Variants in FYB1 observed in about 807,000 individuals in gnomAD.
The protein encoded by FYB1 is FYN binding protein 1, also known as FYN-binding protein 1.
In FYB1, 41 loss-of-function variants were observed where a neutral mutation model predicts 94.1. The observed-to-expected ratio is 0.44, with a 90% CI of 0.34 to 0.57. The LOEUF is 0.57. FYB1 is among the 20% of genes least tolerant of loss of function. The pLI is 0.02. For missense variants in FYB1, 1,050 were observed against 976.8 expected, an observed-to-expected ratio of 1.07 and a Z score of -1.00; for synonymous variants, 367 against 353.2, an observed-to-expected ratio of 1.04 and a Z score of -0.44.
chr5:39,271,542 A>G (rs1257520515), intron 1 of FYB1, among the ~76,000 whole-genome samples: 1 of 152,216 alleles, frequency 6.6e-6, no homozygotes, highest in African/African-American at 2.4e-5. Flanking sequence ...GTGCTTATTT[A>G]GTGTAAGGTC....
rs1750132478 is a variant in FYB1, at chr5:39,219,540, C to G, written c.-125G>C. The G allele has an allele frequency of 3.0e-6, 3 of 985,474 alleles. No homozygotes were observed. Among genetic ancestry groups the G allele is most frequent in the Admixed American group, 6.1e-5 (1 of 16,290 alleles). 61.0% of individuals were successfully genotyped at this position (985,474 alleles called of 1,614,324 possible). On this transcript the variant is annotated 5_prime_UTR_variant, in exon 1 of 19. Coordinates refer to ENST00000512982, the MANE Select transcript of FYB1 (RefSeq NM_001465.6). ...CTCACTTCTAGCTGTCGCATCTGCT[C>G]TGCATGTGGAACTCAAGAACTGCGG...
chr5:39,185,628 A>T (rs1473765807), intron 2 of FYB1, among the ~76,000 whole-genome samples: 1 of 139,520 alleles, frequency 7.2e-6, no homozygotes, highest in Non-Finnish European at 1.5e-5. Flanking sequence ...ATATACACAC[A>T]TATATATATA....
upstream of FYB1, among the ~76,000 whole-genome samples, chr5:39,220,960 A>C (rs970490243): frequency 1.3e-5 from 2 of 152,240 alleles, no homozygotes; most frequent in Admixed American, 6.5e-5. Flanking sequence ...CTGAGACCGT[A>C]TATGGCCTGA....
chr5:39,240,864 T>G (rs751488162), intron 1 of FYB1, among the ~76,000 whole-genome samples: 1 of 152,162 alleles, frequency 6.6e-6, no homozygotes, highest in Non-Finnish European at 1.5e-5. Context: ...CAAAGACACA[T>G]GCATGTGTAT....
At chr5:39,248,506 T>G (rs1751578363) in intron 1 of FYB1, among the ~76,000 whole-genome samples, 1 of 152,110 alleles carries the variant, frequency 6.6e-6, no homozygotes, top group Non-Finnish European at 1.5e-5. Context: ...TGGAGAAACC[T>G]CGAAGACGTA....
intron 2 of FYB1, among the ~76,000 whole-genome samples, chr5:39,196,250 C>T (rs1343683389): frequency 6.7e-6 from 1 of 149,818 alleles, no homozygotes; most frequent in Non-Finnish European, 1.5e-5. Context: ...GCTTTGTCAC[C>T]CAGGCTGGAG....
intron 1 of FYB1, among the ~76,000 whole-genome samples, chr5:39,227,821 C>T (rs1162275444): frequency 6.6e-6 from 1 of 152,172 alleles, no homozygotes; most frequent in Non-Finnish European, 1.5e-5. Context: ...AGCTTTCCTT[C>T]ATCAGGCCTC....
chr5:39,113,164 T>TTATA (rs1739221097), intron 16 of FYB1, among the ~76,000 whole-genome samples: 1 of 151,558 alleles, frequency 6.6e-6, no homozygotes. Flanking sequence ...AATCTCTCCA[T>TTATA]TATAGGTCCT....
chr5:39,163,329 A>C (rs1333114599), intron 2 of FYB1, among the ~76,000 whole-genome samples: 2 of 152,232 alleles, frequency 1.3e-5, no homozygotes, highest in Non-Finnish European at 2.9e-5. Flanking sequence ...GGCAGCTTAG[A>C]ACAGTCCAAC....
Position 39,126,039 on chromosome 5 carries a change from CTCTCGTATACTTTTCTT to C in FYB1, c.1987_2003del (p.Lys663GlufsTer3). The stretch of plus-strand genomic sequence containing the variant: ...TGTCTGAGTCAGAGACTTTAGGTTT[CTCTCGTATACTTTTCTT>C]TCTGTCATCTTTTCCCTTTAACATC... On this transcript the variant is annotated frameshift_variant, in exon 12 of 19. Coordinates refer to ENST00000512982, the MANE Select transcript of FYB1 (RefSeq NM_001465.6). LOFTEE classifies it high-confidence loss of function. 1 of 1,613,416 alleles carries C rather than the reference CTCTCGTATACTTTTCTT, an allele frequency of 6.2e-7. No individual in the cohort carries two copies. Among genetic ancestry groups the C allele is most frequent in the Non-Finnish European group, 8.5e-7 (1 of 1,179,628 alleles).
chr5:39,145,582 C>A (rs907580479), intron 3 of FYB1, among the ~76,000 whole-genome samples: 2 of 151,798 alleles, frequency 1.3e-5, no homozygotes, highest in Non-Finnish European at 2.9e-5. Context: ...GGAAAATAGG[C>A]CTTTGCATTA....
At position 39,125,995 on chromosome 5, in the gene FYB1, T is replaced by TA. The variant is rs1740626912; in HGVS notation, c.2045+2dup. ...ACACTGGATTTGGTTGGTTGACTCT[T>TA]ACGATGAACCTTCATTATTGTCTGA... On this transcript the variant is annotated splice_region_variant and intron_variant, in intron 12 of 18. Coordinates refer to ENST00000512982, the MANE Select transcript of FYB1 (RefSeq NM_001465.6). 1 of 1,612,896 alleles carries TA rather than the reference T, an allele frequency of 6.2e-7. No homozygotes were observed.
rs374081742 is a variant in FYB1, at chr5:39,110,394, G to T, written c.2402-5C>A. 10 of 1,583,712 alleles carry T rather than the reference G, an allele frequency of 6.3e-6. No homozygotes were observed. The South Asian group carries it at 1.2e-4, about 18-fold the overall frequency. On this transcript the variant is annotated splice_polypyrimidine_tract_variant and splice_region_variant and intron_variant, in intron 16 of 18. Transcript: ENST00000512982. ...AACTCCGAAGGACATAACCATCTAC[G>T]AAGGAAAAAGGAAATAAATTGTATC...
intron 1 of FYB1, among the ~76,000 whole-genome samples, chr5:39,265,356 C>T (rs1006777662): frequency 1.3e-5 from 2 of 151,990 alleles, no homozygotes; most frequent in Admixed American, 6.6e-5. Flanking sequence ...TGATGGCGGG[C>T]GCTTACAGTC....
upstream of FYB1, among the ~76,000 whole-genome samples, chr5:39,220,421 A>G (rs1258435505): frequency 5.3e-5 from 8 of 151,744 alleles, no homozygotes; most frequent in Non-Finnish European, 1.0e-4. Context: ...CTGAAGGAAA[A>G]AAAAAAAAGA....
At chr5:39,254,885 A>C (rs1751866094) in intron 1 of FYB1, among the ~76,000 whole-genome samples, 1 of 152,170 alleles carries the variant, frequency 6.6e-6, no homozygotes, top group Non-Finnish European at 1.5e-5. Context: ...ACCAAACATT[A>C]AAGGAAGTGC....
rs374349266 is a variant in FYB1 at position 39,228,929 on chromosome 5, G to A, written c.-27-25942C>T. Among the ~76,000 whole-genome samples the A allele has an allele frequency of 2.4e-4, 36 of 152,192 alleles. 1 individual carries two copies. Among genetic ancestry groups the A allele is most frequent in the African/African-American group, 8.7e-4 (36 of 41,542 alleles). On this transcript the variant is annotated intron_variant, in intron 1 of 1. Coordinates refer to the FYB1 transcript ENST00000510188. ...TTACCTAAATACAGTTTTCTCTCAC[G>A]ATAAAATTAGGATGGTTCTTTTGTC...
At chr5:39,110,782 A>G (rs1475201466) in intron 16 of FYB1, 1 of 362,532 alleles carries the variant, frequency 2.8e-6, no homozygotes, top group East Asian at 8.8e-5. Context: ...TATTTTAAAT[A>G]CCACCAGATC....
chr5:39,188,803 G>A (rs1351848937), intron 2 of FYB1, among the ~76,000 whole-genome samples: 1 of 152,030 alleles, frequency 6.6e-6, no homozygotes, highest in East Asian at 1.9e-4. Context: ...AAAGTGTTGG[G>A]ACTACTAGCG....
Sources: gnomAD v4.1 joint callset for allele counts (sites outside exome capture counted in the v4.1 genomes callset) on GRCh38, gnomAD v4.1.1 for gene constraint, MANE v1.5 for transcripts, NCBI Gene and HGNC (gene_info 2026-07-23, HGNC 2026-07-21) for gene names.